ARHGAP6: variants seen among roughly 807,000 people sequenced by gnomAD.
ARHGAP6 encodes the protein rho GTPase-activating protein 6.
In ARHGAP6, 16 loss-of-function variants were observed where a neutral mutation model predicts 55.7. The observed-to-expected ratio is 0.29, with a 90% CI of 0.19 to 0.44. ARHGAP6 has a LOEUF of 0.44. Among genes scored for constraint, ARHGAP6 ranks in the 20% least tolerant of loss-of-function variants. The pLI is 1.00. For missense variants in ARHGAP6, 698 were observed against 808.9 expected (o/e 0.86, Z 1.66); for synonymous variants, 382 against 360.9 (o/e 1.06, Z -0.66).
intron 1 of ARHGAP6, among the ~76,000 whole-genome samples, chrX:11,403,932 T>G (rs2049580424): frequency 8.9e-6 from 1 of 112,435 alleles, no homozygotes; most frequent in Non-Finnish European, 1.9e-5. Flanking sequence ...GGGCTCATAA[T>G]TAGGTGCTAA....
At chrX:11,635,455 T>A (rs2052407994) in intron 1 of ARHGAP6, among the ~76,000 whole-genome samples, 1 of 111,903 alleles carries the variant, frequency 8.9e-6, no homozygotes, top group Non-Finnish European at 1.9e-5. Flanking sequence ...TTTATATTTT[T>A]AATAAATACT....
intron 9 of ARHGAP6, among the ~76,000 whole-genome samples, chrX:11,159,607 G>A (rs777655380): frequency 4.5e-5 from 5 of 110,412 alleles, no homozygotes; most frequent in Admixed American, 1.9e-4. Context: ...GAAGGTTGGG[G>A]GTCAAGTTTT....
chrX:11,664,254 A>G lies in ARHGAP6; in HGVS notation c.575T>C (p.Val192Ala). 8.3e-7 allele frequency: 1 copy of G among 1,203,712 alleles called. No individual in the cohort carries two copies. The highest frequency in any genetic ancestry group is 2.2e-5 in the Admixed American group (1 of 45,379). ...PPDSRGHPYV[V>A]WKSEGDFTWN... ...GCTGGTCCCTACCTCGGATTTCCAC[A>G]CGACGTAGGGGTGCCCGCGACTGTC... is the stretch of plus-strand genomic sequence containing the variant. Residue 192 changes from valine to alanine, a missense_variant, in exon 1 of 13, where the codon GTG (valine) becomes GCG (alanine). Around this residue, in one of 3 missense-constraint regions of ARHGAP6, gnomAD observed 322 missense variants for 451.1 expected, o/e 0.71. Coordinates refer to ENST00000337414, the MANE Select transcript of ARHGAP6 (RefSeq NM_013427.3).
chrX:11,630,907 A>T (rs1183069129), intron 1 of ARHGAP6, among the ~76,000 whole-genome samples: 1 of 111,509 alleles, frequency 9.0e-6, no homozygotes, highest in Non-Finnish European at 1.9e-5. Flanking sequence ...TCATCGCTAA[A>T]ATTGAAAAAT....
At chrX:11,507,334 C>T (rs987900723) in intron 1 of ARHGAP6, among the ~76,000 whole-genome samples, 2 of 111,280 alleles carry the variant, frequency 1.8e-5, no homozygotes, top group African/African-American at 3.3e-5. Flanking sequence ...GGCAGCACAG[C>T]TTTTGAACAG....
chrX:11,471,241 A>G (rs2050343798), intron 1 of ARHGAP6, among the ~76,000 whole-genome samples: 1 of 112,186 alleles, frequency 8.9e-6, no homozygotes, highest in South Asian at 3.6e-4. Flanking sequence ...AATTATAAAG[A>G]GACAATTGTA....
intron 1 of ARHGAP6, among the ~76,000 whole-genome samples, chrX:11,661,955 C>T (rs1373538227): frequency 2.7e-5 from 3 of 112,042 alleles, no homozygotes; most frequent in Non-Finnish European, 5.6e-5. Context: ...CTAAATACCC[C>T]GCAATACCCA....
chrX:11,454,494 T>C (rs1413465965), intron 1 of ARHGAP6, among the ~76,000 whole-genome samples: 1 of 112,417 alleles, frequency 8.9e-6, no homozygotes, highest in Non-Finnish European at 1.9e-5. Context: ...ATTTCTTTTT[T>C]CTTAAGGAAG....
chrX:11,287,996 T>G (rs1426432684), intron 1 of ARHGAP6, among the ~76,000 whole-genome samples: 1 of 112,324 alleles, frequency 8.9e-6, no homozygotes, highest in Non-Finnish European at 1.9e-5. Flanking sequence ...TTTGTGCTGA[T>G]CCCAGAGATG....
chrX:11,545,097 T>C (rs2051198999), intron 1 of ARHGAP6, among the ~76,000 whole-genome samples: 1 of 111,745 alleles, frequency 8.9e-6, no homozygotes, highest in Non-Finnish European at 1.9e-5. Context: ...TGCCTTTCCT[T>C]CTCTGATTTT....
chrX:11,548,618 CTTTTTTTTTTTTA>C (rs1243231871), intron 1 of ARHGAP6, among the ~76,000 whole-genome samples: 2 of 81,751 alleles, frequency 2.4e-5, no homozygotes, highest in African/African-American at 1.1e-4. Flanking sequence ...AAAAGTATTT[CTTTTTTTTTTTTA>C]TTGAGATAGA....
At chrX:11,220,293 T>G (rs1234009110) in intron 2 of ARHGAP6, among the ~76,000 whole-genome samples, 1 of 111,293 alleles carries the variant, frequency 9.0e-6, no homozygotes, top group African/African-American at 3.3e-5. Flanking sequence ...ACCACAAAGA[T>G]ACTCCTCGAG....
chrX:11,397,160 A>C (rs1411331752), intron 1 of ARHGAP6, among the ~76,000 whole-genome samples: 1 of 111,928 alleles, frequency 8.9e-6, no homozygotes, highest in Non-Finnish European at 1.9e-5. Flanking sequence ...AAAGCTGTGG[A>C]CATGTCAGGG....
At chrX:11,227,833 CCAA>C (rs2047074902) in intron 2 of ARHGAP6, among the ~76,000 whole-genome samples, 1 of 106,792 alleles carries the variant, frequency 9.4e-6, no homozygotes, top group Admixed American at 1.0e-4. Flanking sequence ...AAATCTTGTG[CCAA>C]CTAAGTCGAC....
At chrX:11,515,946 C>A (rs771330865) in intron 1 of ARHGAP6, among the ~76,000 whole-genome samples, 10 of 112,594 alleles carry the variant, frequency 8.9e-5, no homozygotes, top group Non-Finnish European at 1.5e-4. Context: ...GGGTGTTTCA[C>A]CCCCAAACGT....
At chrX:11,156,260 C>T (rs1026016015) in intron 10 of ARHGAP6, among the ~76,000 whole-genome samples, 1 of 112,100 alleles carries the variant, frequency 8.9e-6, no homozygotes, top group African/African-American at 3.2e-5. Flanking sequence ...TGCTTTTTCC[C>T]TGTAAATGAA....
intron 9 of ARHGAP6, among the ~76,000 whole-genome samples, chrX:11,159,662 T>C (rs1213023116): frequency 9.0e-6 from 1 of 110,777 alleles, no homozygotes; most frequent in Non-Finnish European, 1.9e-5. Flanking sequence ...TTGCAAGACA[T>C]CCAAATGAAG....
chrX:11,619,704 C>T (rs2052206045), intron 1 of ARHGAP6, among the ~76,000 whole-genome samples: 1 of 112,207 alleles, frequency 8.9e-6, no homozygotes, highest in Non-Finnish European at 1.9e-5. Context: ...ATATCAGCCT[C>T]AGCAGCTTTG....
intron 1 of ARHGAP6, among the ~76,000 whole-genome samples, chrX:11,346,719 A>AAAAGAAAAG (rs1555995404): frequency 1.1e-5 from 1 of 92,387 alleles, no homozygotes; most frequent in East Asian, 3.3e-4. Flanking sequence ...AAGAAGAAAG[A>AAAAGAAAAG]AAAGAAAGAA....
Sources: gnomAD v4.1 joint callset for allele counts (sites outside exome capture counted in the v4.1 genomes callset) on GRCh38, gnomAD v4.1.1 for gene constraint, gnomAD v4.1.1 regional missense constraint, MANE v1.5 for transcripts, NCBI Gene and HGNC (gene_info 2026-07-23, HGNC 2026-07-21) for gene names.